Variants in AOPEP observed in about 807,000 individuals in gnomAD.
AOPEP encodes aminopeptidase O (putative).
Under a neutral mutation model 98.1 loss-of-function variants are expected in AOPEP, and 77 were observed. The observed-to-expected ratio is 0.78, with a 90% confidence interval of 0.65 to 0.95. The LOEUF (loss-of-function observed/expected upper bound fraction) is 0.95. Among genes scored for constraint, AOPEP ranks in the 40% least tolerant of loss-of-function variants. AOPEP has a pLI of 0.00. For missense variants in AOPEP, 1,024 were observed against 1,024.7 expected (o/e 1.00, Z 0.01); for synonymous variants, 346 against 365.3 (o/e 0.95, Z 0.60).
At chr9:95,047,656 C>G (rs1257574539) in intron 13 of AOPEP, among the ~76,000 whole-genome samples, 1 of 152,192 alleles carries the variant, frequency 6.6e-6, no homozygotes, top group East Asian at 1.9e-4. Flanking sequence ...ACCTACCTCT[C>G]ACTTATTCTC....
intron 1 of AOPEP, among the ~76,000 whole-genome samples, chr9:94,730,468 C>T (rs1214460319): frequency 2.6e-5 from 4 of 152,124 alleles, no homozygotes; most frequent in Non-Finnish European, 5.9e-5. Flanking sequence ...GACCATTGTT[C>T]AGCCTGACCT....
the AOPEP span, among the ~76,000 whole-genome samples, chr9:95,098,831 G>A: frequency 0.016 from 2,484 of 152,306 alleles, 79 homozygotes; most frequent in African/African-American, 0.057. Flanking sequence ...GATCTTGGCA[G>A]GCCCTGCCAG....
the AOPEP span, chr9:95,127,110 G>C: frequency 6.5e-6 from 1 of 154,452 alleles, no homozygotes; most frequent in African/African-American, 2.4e-5. Flanking sequence ...TTAACAGCTT[G>C]CGTTAAGATG....
chr9:94,939,655 A>G (rs1040000126), intron 7 of AOPEP, among the ~76,000 whole-genome samples: 18 of 152,208 alleles, frequency 1.2e-4, no homozygotes, highest in African/African-American at 3.9e-4. Flanking sequence ...ATCTCATGTG[A>G]TGGTGGCTCC....
chr9:94,781,859 A>G (rs1438770381), intron 3 of AOPEP, among the ~76,000 whole-genome samples: 2 of 149,684 alleles, frequency 1.3e-5, no homozygotes, highest in Admixed American at 6.6e-5. Context: ...TTATTTTTAT[A>G]GAGTCTAATT....
rs56051879 is a variant in AOPEP, at chr9:94,957,800, T to G, written c.1872+1785T>G. Among the ~76,000 whole-genome samples, 626 of 152,314 alleles carry G rather than the reference T, an allele frequency of 4.1e-3. 3 individuals carry two copies. The highest frequency in any genetic ancestry group is 7.1e-3 in the Non-Finnish European group (482 of 68,012). On this transcript the variant is annotated intron_variant, in intron 9 of 16. Coordinates refer to ENST00000375315, the MANE Select transcript of AOPEP (RefSeq NM_001193329.3). ...GGACATTTCATATAAAAGAATCATA[T>G]GCTTTGAGAACTTTTGTGTCTAGCT...
the AOPEP span, among the ~76,000 whole-genome samples, chr9:95,104,641 T>C: frequency 4.6e-5 from 7 of 152,176 alleles, no homozygotes; most frequent in African/African-American, 1.7e-4. Context: ...GATGGAAACA[T>C]GGCATCAGGA....
intron 3 of AOPEP, among the ~76,000 whole-genome samples, chr9:94,783,567 CAG>C (rs1407324769): frequency 6.6e-6 from 1 of 151,832 alleles, no homozygotes; most frequent in African/African-American, 2.4e-5. Context: ...AAAGTCCTGA[CAG>C]AAAGCTAGTT....
the AOPEP span, among the ~76,000 whole-genome samples, chr9:95,140,160 G>A: frequency 4.0e-4 from 61 of 152,200 alleles, no homozygotes; most frequent in Non-Finnish European, 6.2e-4. Flanking sequence ...GAATTTATGT[G>A]TAATACATTA....
At chr9:94,808,292 G>A (rs1042116457) in intron 5 of AOPEP, among the ~76,000 whole-genome samples, 14 of 152,152 alleles carry the variant, frequency 9.2e-5, no homozygotes, top group African/African-American at 3.4e-4. Flanking sequence ...CACCTGCCTC[G>A]GCCTCCTGAA....
chr9:95,065,260 T>A (rs1166047402), intron 14 of AOPEP: 2 of 152,136 alleles, frequency 1.3e-5, no homozygotes, highest in Non-Finnish European at 2.9e-5. Flanking sequence ...TGATCCAGAG[T>A]CTAAGCGTAA....
rs770424016 is a variant in AOPEP, at chr9:94,955,983, C to T, written c.1840C>T (p.His614Tyr). 1 of 1,613,146 alleles carries T rather than the reference C, an allele frequency of 6.2e-7. No individual in the cohort carries two copies. Among genetic ancestry groups the T allele is most frequent in the Non-Finnish European group, 8.5e-7 (1 of 1,179,428 alleles). The change falls in exon 9 of 17, where the codon CAC becomes TAC. Residue 614 changes from histidine to tyrosine, a missense_variant. Physicochemically the swap from His to Tyr is moderately conservative, Grantham distance 83 (BLOSUM62 2). This residue lies in a region of AOPEP where 566 missense variants were observed against 551.7 expected (regional missense o/e 1.03). Coordinates refer to ENST00000375315, the MANE Select transcript of AOPEP (RefSeq NM_001193329.3). ...TYFSFLRKFV[H>Y]TFHGQLILSQ... ...TTTTTCATTTTTAAGAAAATTTGTG[C>T]ACACATTTCATGGACAGCTGATTCT...
intron 11 of AOPEP, among the ~76,000 whole-genome samples, chr9:94,989,525 G>A (rs2060748826): frequency 6.6e-6 from 1 of 151,610 alleles, no homozygotes; most frequent in African/African-American, 2.4e-5. Flanking sequence ...ATGAGCCACT[G>A]TGCCTGGCCA....
intron 5 of AOPEP, among the ~76,000 whole-genome samples, chr9:94,880,128 T>A (rs1027825222): frequency 1.3e-5 from 2 of 152,198 alleles, no homozygotes; most frequent in African/African-American, 4.8e-5. Flanking sequence ...CAGCACTAGC[T>A]GATTTAACAT....
intron 5 of AOPEP, among the ~76,000 whole-genome samples, chr9:94,880,897 A>G (rs536730450): frequency 2.0e-5 from 3 of 152,274 alleles, no homozygotes; most frequent in Non-Finnish European, 4.4e-5. Flanking sequence ...CCCACGAACA[A>G]AAAGTATCAA....
At chr9:94,786,939 A>C (rs7039870) in intron 3 of AOPEP, among the ~76,000 whole-genome samples, 4,136 of 152,140 alleles carry the variant, frequency 0.027, 178 homozygotes, top group African/African-American at 0.094. Context: ...TTGAAGTCTG[A>C]AACAGTTGAT....
chr9:94,817,767 G>A (rs1179015917), intron 5 of AOPEP, among the ~76,000 whole-genome samples: 1 of 152,242 alleles, frequency 6.6e-6, no homozygotes, highest in African/African-American at 2.4e-5. Flanking sequence ...CCGGAGGGCA[G>A]TATCTAAGAT....
intron 11 of AOPEP, among the ~76,000 whole-genome samples, chr9:94,993,205 G>A (rs532227307): frequency 6.6e-6 from 1 of 152,230 alleles, no homozygotes; most frequent in South Asian, 2.1e-4. Context: ...AGTAACTGCA[G>A]GTCAGTTTTA....
intron 9 of AOPEP, among the ~76,000 whole-genome samples, chr9:94,960,359 C>T (rs992262787): frequency 6.0e-5 from 9 of 149,228 alleles, no homozygotes; most frequent in South Asian, 2.1e-4. Context: ...TGCAGTGAGG[C>T]GAGATCACGC....
Sources: gnomAD v4.1 joint callset for allele counts (sites outside exome capture counted in the v4.1 genomes callset) on GRCh38, gnomAD v4.1.1 for gene constraint, gnomAD v4.1.1 regional missense constraint, MANE v1.5 for transcripts, NCBI Gene and HGNC (gene_info 2026-07-23, HGNC 2026-07-21) for gene names.